SLC2A3: variants seen among roughly 807,000 people sequenced by gnomAD.
SLC2A3 encodes solute carrier family 2, facilitated glucose transporter member 3.
SLC2A3 carries 21 observed loss-of-function variants against 46.4 expected under a neutral mutation model. The ratio of observed to expected loss-of-function variants is 0.45; its 90% CI spans 0.32 to 0.65. SLC2A3 has a LOEUF of 0.65. Among genes scored for constraint, SLC2A3 ranks in the 30% least tolerant of loss-of-function variants. SLC2A3 has a pLI of 0.04. For missense variants in SLC2A3, 499 were observed against 623.3 expected, an observed-to-expected ratio of 0.80 and a Z score of 2.12; for synonymous variants, 213 against 239.4, an observed-to-expected ratio of 0.89 and a Z score of 1.02.
rs1179897971 is a variant in SLC2A3, at chr12:7,927,152, T to C, written c.862-1204A>G. Among the ~76,000 whole-genome samples the C allele has an allele frequency of 2.6e-5, 4 of 152,128 alleles. No homozygotes were observed. The East Asian group carries it at 7.7e-4, about 29-fold the overall frequency. ...AAGATGTAAACTATGTATATTCATA[T>C]TTTCTAAAATAAGATAATTGTGTTT... On this transcript the variant is annotated intron_variant, in intron 6 of 9. Coordinates refer to ENST00000075120, the MANE Select transcript of SLC2A3 (RefSeq NM_006931.3).
Position 7,931,228 on chromosome 12 carries a change from G to T in SLC2A3, c.510+17C>A. 6.2e-7 allele frequency: 1 copy of T among 1,613,902 alleles called. No homozygotes were observed. Among genetic ancestry groups the T allele is most frequent in the Non-Finnish European group, 8.5e-7 (1 of 1,179,892 alleles). On this transcript the variant is annotated intron_variant, in intron 4 of 9. Transcript: ENST00000075120. Reference sequence around the variant, plus strand: ...CATGAAACTAACACTCATTAAGTATGAGAAGTTCTAGAGTACCTGGGCCAC... The same window carrying T: ...CATGAAACTAACACTCATTAAGTATTAGAAGTTCTAGAGTACCTGGGCCAC...
Position 7,934,096 on chromosome 12 carries a change from A to C in SLC2A3, c.16-194T>G, listed in dbSNP as rs185770986. Among the ~76,000 whole-genome samples the C allele has an allele frequency of 3.2e-3, 486 of 152,256 alleles. 5 individuals are homozygous for C. Among genetic ancestry groups the C allele is most frequent in the African/African-American group, 0.01 (416 of 41,566 alleles). On this transcript the variant is annotated intron_variant, in intron 1 of 9. Coordinates refer to ENST00000075120, the MANE Select transcript of SLC2A3 (RefSeq NM_006931.3). ...CTAAAGAACTTATCTGGAGATAAGA[A>C]TGTGAAGTTAACTTGGTAAAAATGA...
intron 7 of SLC2A3, 78 bp downstream of exon 7, chr12:7,925,766 G>C (rs1422859657): frequency 2.7e-6 from 3 of 1,100,800 alleles, no homozygotes; most frequent in East Asian, 2.4e-5. Flanking sequence ...AATGATGGTA[G>C]GGTCATGCAA....
chr12:7,930,320 C>CT, intron 5 of SLC2A3, 160 bp downstream of exon 5: 1 of 756,156 alleles, frequency 1.3e-6, no homozygotes, highest in South Asian at 2.0e-5. Context: ...TCACCTCATT[C>CT]TTTAGGGGCT....
chr12:7,930,771 T>C, intron 4 of SLC2A3, 129 bp from the exon 5 acceptor site: 1 of 1,082,476 alleles, frequency 9.2e-7, no homozygotes, highest in Non-Finnish European at 1.3e-6. Flanking sequence ...TGTGTTTCTT[T>C]TCCTTTCTCT....
chr12:7,932,573 T>C (rs1946167830), intron 3 of SLC2A3: 1 of 164,810 alleles, frequency 6.1e-6, no homozygotes, highest in African/African-American at 2.4e-5. Flanking sequence ...AATAAGACTT[T>C]TTTTTTGTCA....
At chr12:7,927,664 A>C (rs908125974) in intron 6 of SLC2A3, among the ~76,000 whole-genome samples, 2 of 152,122 alleles carry the variant, frequency 1.3e-5, no homozygotes, top group African/African-American at 4.8e-5. Flanking sequence ...AGAGATTCTC[A>C]AATTCAGCTG....
rs1946033877 is a variant in SLC2A3 at position 7,921,269 on chromosome 12, G to A, written c.*144C>T. On this transcript the variant is annotated 3_prime_UTR_variant, in exon 10 of 10. Coordinates refer to ENST00000075120, the MANE Select transcript of SLC2A3 (RefSeq NM_006931.3). Reference sequence around the variant, plus strand: ...TGAAGATCCAACAAACCGCAGCCTTGGGGTGCTCATGGAGTGCGTGGGATG... The same window carrying A: ...TGAAGATCCAACAAACCGCAGCCTTAGGGTGCTCATGGAGTGCGTGGGATG... 2.0e-6 allele frequency: 3 copies of A among 1,505,420 alleles called. No homozygotes were observed. Among genetic ancestry groups the A allele is most frequent in the African/African-American group, 1.4e-5 (1 of 72,054 alleles). 93.3% of individuals were successfully genotyped at this position (1,505,420 alleles called of 1,614,324 possible). A position where few individuals can be genotyped will look rare whatever the true frequency, so the allele number is the denominator to read the frequency against.
chr12:7,921,191 C>A lies in SLC2A3; in HGVS notation c.*222G>T, dbSNP rs771496452. ...CTCCTGAAATGAAGGTAGGTTCACT[C>A]GGTCTCTCCTAAGCAGAAGAGGATG... On this transcript the variant is annotated 3_prime_UTR_variant, in exon 10 of 10. Transcript: ENST00000075120. 249 of 956,830 alleles carry A rather than the reference C, an allele frequency of 2.6e-4. 2 individuals are homozygous for A. In the Middle Eastern group the frequency reaches 5.9e-3, roughly 23 times the overall value. The allele number at this position is 956,830 out of a possible 1,614,324, so 59.3% of individuals were successfully genotyped here. A position where few individuals can be genotyped will look rare whatever the true frequency, so the allele number is the denominator to read the frequency against.
rs908441314 is a variant in SLC2A3, at chr12:7,934,626, T to A, written c.16-724A>T. ...GGAATAATTCAGCCGGGCGAGACAT[T>A]TTCCATTTCTACCTTGGGGCAGCTC... On this transcript the variant is annotated intron_variant, in intron 1 of 9. Coordinates refer to ENST00000075120, the MANE Select transcript of SLC2A3 (RefSeq NM_006931.3). 3.1e-4 allele frequency among the ~76,000 whole-genome samples: 47 copies of A among 152,004 alleles called. 1 individual carries two copies.
At chr12:7,933,323 T>C in intron 2 of SLC2A3, 176 bp from the exon 3 acceptor site, 1 of 819,964 alleles carries the variant, frequency 1.2e-6, no homozygotes, top group Middle Eastern at 2.4e-4. Flanking sequence ...TAATTCTATT[T>C]GTCCTGAAAA....
Position 7,933,896 on chromosome 12 carries a change from G to A in SLC2A3, c.22C>T (p.Pro8Ser). Residue 8 changes from proline to serine, a missense_variant, in exon 2 of 10, where the codon CCA (proline) becomes TCA (serine). By Grantham distance (74) the Pro-to-Ser change is moderately conservative. Coordinates refer to ENST00000075120, the MANE Select transcript of SLC2A3 (RefSeq NM_006931.3). The part of the protein sequence containing the change: MGTQKVT[P>S]ALIFAITVAT... ...ACTGTGATGGCAAATATCAGAGCTG[G>A]GGTGACCTGGAGGGAGGGAAGACAG... is the stretch of plus-strand genomic sequence containing the variant. 1 of 1,613,852 alleles carries A rather than the reference G, an allele frequency of 6.2e-7. No individual in the cohort carries two copies. The highest frequency in any genetic ancestry group is 8.5e-7 in the Non-Finnish European group (1 of 1,179,830).
chr12:7,931,300 C>T lies in SLC2A3; in HGVS notation c.455G>A (p.Gly152Asp). The change falls in exon 4 of 10, where the codon GGT (glycine) becomes GAT (aspartate). Residue 152 changes from glycine (G) to aspartate (D), a missense_variant. Physicochemically the swap from Gly to Asp is moderately conservative, Grantham distance 94. Around this residue, in one of 5 missense-constraint regions of SLC2A3, gnomAD observed 248 missense variants for 284.0 expected, o/e 0.87. Coordinates refer to ENST00000075120, the MANE Select transcript of SLC2A3 (RefSeq NM_006931.3). ...CAGCTGGTTGAGAGTGCCAAAGGCACCCCGCAGGGCAGTAGGCGAGATCTC... is the reference window on the plus strand; with the variant it reads ...CAGCTGGTTGAGAGTGCCAAAGGCATCCCGCAGGGCAGTAGGCGAGATCTC... ...IGEISPTALR[G>D]AFGTLNQLGI... 1 of 1,614,116 alleles carries T rather than the reference C, an allele frequency of 6.2e-7. No individual in the cohort carries two copies. Among genetic ancestry groups the T allele is most frequent in the Non-Finnish European group, 8.5e-7 (1 of 1,180,014 alleles).
At chr12:7,931,003 A>G (rs767882586) in intron 4 of SLC2A3, among the ~76,000 whole-genome samples, 17 of 151,908 alleles carry the variant, frequency 1.1e-4, no homozygotes, top group East Asian at 1.9e-4. Flanking sequence ...TCACCATGTT[A>G]GCCAGGCTGG....
Position 7,931,365 on chromosome 12 carries a change from G to A in SLC2A3, c.390C>T (p.Phe130=). 5 of 1,614,168 alleles carry A rather than the reference G, an allele frequency of 3.1e-6. No homozygotes were observed. The highest frequency in any genetic ancestry group is 4.2e-6 in the Non-Finnish European group (5 of 1,180,024). ...LILGRLVIGL[F]CGLCTGFVPM... ...GCACAAAACCTGTGCAGAGTCCGCA[G>A]AAGAGGCCAATAACCAAGCGACCCA... The change falls in exon 4 of 10, where the codon TTC becomes TTT. Residue 130 remains phenylalanine (F), a synonymous_variant. Coordinates refer to ENST00000075120, the MANE Select transcript of SLC2A3 (RefSeq NM_006931.3).
In SLC2A3 at chr12:7,921,479, A is replaced by G; in HGVS notation, c.1425T>C (p.Ser475=). The part of the protein sequence containing the change: ...FEGQAHGADR[S]GKDGVMEMNS... ...TCATCTCCATGACGCCGTCCTTTCC[A>G]GATCTATCTGCACCGTGTGCCTGCC... The change falls in exon 10 of 10, where the codon TCT becomes TCC. Residue 475 remains serine (S), a synonymous_variant. Coordinates refer to ENST00000075120, the MANE Select transcript of SLC2A3 (RefSeq NM_006931.3). 1 of 1,613,974 alleles carries G rather than the reference A, an allele frequency of 6.2e-7. No homozygotes were observed. Among genetic ancestry groups the G allele is most frequent in the Non-Finnish European group, 8.5e-7 (1 of 1,179,864 alleles).
intron 8 of SLC2A3, among the ~76,000 whole-genome samples, chr12:7,924,070 G>A (rs146181049): frequency 2.0e-4 from 31 of 152,110 alleles, no homozygotes; most frequent in Admixed American, 1.6e-3. Context: ...GCCCAGCTGA[G>A]GATTGAATTT....
chr12:7,935,928 G>C (rs1405255960), intron 1 of SLC2A3, 92 bp downstream of exon 1: 10 of 1,092,566 alleles, frequency 9.2e-6, no homozygotes, highest in Non-Finnish European at 1.3e-5. Flanking sequence ...GGTGACTTAG[G>C]AGAAAATAGA....
rs761324827 is a variant in SLC2A3 at position 7,935,487 on chromosome 12, G to A, written c.15+533C>T. On this transcript the variant is annotated intron_variant, in intron 1 of 9. Coordinates refer to ENST00000075120, the MANE Select transcript of SLC2A3 (RefSeq NM_006931.3). ...AAAAGCCTTTCTCCCTGCAAATAATGCATATACAACACTCAATATTTTAGT... is the reference window on the plus strand; with the variant it reads ...AAAAGCCTTTCTCCCTGCAAATAATACATATACAACACTCAATATTTTAGT... Among the ~76,000 whole-genome samples, 4 of 152,200 alleles carry A rather than the reference G, an allele frequency of 2.6e-5. No homozygotes were observed. The South Asian group carries it at 8.3e-4, about 32-fold the overall frequency.
Sources: gnomAD v4.1 joint callset for allele counts (sites outside exome capture counted in the v4.1 genomes callset) on GRCh38, gnomAD v4.1.1 for gene constraint, gnomAD v4.1.1 regional missense constraint, MANE v1.5 for transcripts, NCBI Gene and HGNC (gene_info 2026-07-23, HGNC 2026-07-21) for gene names.